Variants in CHD1L observed in about 807,000 individuals in gnomAD.
CHD1L encodes ATP-dependent chromatin remodeler CHD1L.
In CHD1L, 118 loss-of-function variants were observed where a neutral mutation model predicts 115.9. The observed-to-expected ratio is 1.02, with a 90% confidence interval of 0.88 to 1.19. The LOEUF (loss-of-function observed/expected upper bound fraction) is 1.19, where lower values mean the gene tolerates loss of function less well. CHD1L is among the 50% of genes most tolerant of loss of function. The pLI is 0.00. For synonymous variants in CHD1L, 411 were observed against 387.1 expected (o/e 1.06, Z -0.72); for missense variants, 1,179 against 1,065.3 (o/e 1.11, Z -1.49).
At position 147,259,904 on chromosome 1, in the gene CHD1L, A is replaced by G. The variant is rs782381218; in HGVS notation, c.562A>G (p.Lys188Glu). 5 of 1,613,400 alleles carry G rather than the reference A, an allele frequency of 3.1e-6. No individual in the cohort carries two copies. Among genetic ancestry groups the G allele is most frequent in the Admixed American group, 1.7e-5 (1 of 60,004 alleles). Reference protein sequence around the residue: ...RLKNQSSLLHKTLSEFSVVFS... With the variant: ...RLKNQSSLLHETLSEFSVVFS... ...GAAAAACCAAAGCTCCCTGCTGCATAAGACCTTGTCAGAGGTAAACTTACA... is the reference window on the plus strand; with the variant it reads ...GAAAAACCAAAGCTCCCTGCTGCATGAGACCTTGTCAGAGGTAAACTTACA... Residue 188 changes from lysine (K) to glutamate (E), a missense_variant, in exon 6 of 23, where the codon AAG becomes GAG. Coordinates refer to ENST00000369258, the MANE Select transcript of CHD1L (RefSeq NM_004284.6).
intron 1 of CHD1L, 24 bp downstream of exon 1, chr1:147,242,854 C>G (rs1240053204): frequency 7.9e-7 from 1 of 1,267,780 alleles, no homozygotes. Flanking sequence ...GGGCGGACTT[C>G]GGCCAGGCGG....
At chr1:147,294,745 T>C (rs782767854) in intron 22 of CHD1L, among the ~76,000 whole-genome samples, 25 of 152,318 alleles carry the variant, frequency 1.6e-4, no homozygotes, top group Non-Finnish European at 2.9e-4. Flanking sequence ...AGCAGATAAA[T>C]TAAAAGATAC....
chr1:147,248,042 G>C (rs1667168668), intron 1 of CHD1L, among the ~76,000 whole-genome samples: 1 of 152,152 alleles, frequency 6.6e-6, no homozygotes, highest in African/African-American at 2.4e-5. Flanking sequence ...GCCATATAAG[G>C]TCACATACTC....
upstream of CHD1L, among the ~76,000 whole-genome samples, chr1:147,238,761 C>A (rs1021744307): frequency 1.3e-5 from 2 of 152,210 alleles, no homozygotes; most frequent in Non-Finnish European, 2.9e-5. Context: ...GCACCTCATT[C>A]AAACATTCAA....
chr1:147,272,918 AG>A (rs1676823345), intron 12 of CHD1L, among the ~76,000 whole-genome samples: 1 of 149,306 alleles, frequency 6.7e-6, no homozygotes, highest in African/African-American at 2.5e-5. Context: ...AAAAAAAAAA[AG>A]GCCGGCACGG....
the CHD1L span, chr1:147,178,784 T>A: frequency 0.032 from 50,572 of 1,604,050 alleles, 1,168 homozygotes; most frequent in South Asian, 0.09. Context: ...GCATATACAG[T>A]GCAAAAAATG....
At chr1:147,193,761 T>A in the CHD1L span, among the ~76,000 whole-genome samples, 1 of 152,210 alleles carries the variant, frequency 6.6e-6, no homozygotes, top group African/African-American at 2.4e-5. Flanking sequence ...CGTTTCGTTA[T>A]GTACCCAGTA....
In CHD1L at chr1:147,275,350, T is replaced by C; in HGVS notation, c.1271-4T>C. Reference sequence around the variant, plus strand: ...GATTACATTCCTTTTTGCATTGTTTTCAGGTGGAGTTGGCATGAACTTAAC... The same window carrying C: ...GATTACATTCCTTTTTGCATTGTTTCCAGGTGGAGTTGGCATGAACTTAAC... On this transcript the variant is annotated splice_polypyrimidine_tract_variant and splice_region_variant and intron_variant, in intron 12 of 22. Coordinates refer to ENST00000369258, the MANE Select transcript of CHD1L (RefSeq NM_004284.6). The C allele has an allele frequency of 6.2e-7, 1 of 1,609,140 alleles. No individual in the cohort carries two copies. The highest frequency in any genetic ancestry group is 8.5e-7 in the Non-Finnish European group (1 of 1,175,414).
the CHD1L span, among the ~76,000 whole-genome samples, chr1:147,232,893 G>GA: frequency 6.6e-6 from 1 of 152,288 alleles, no homozygotes; most frequent in East Asian, 1.9e-4. Flanking sequence ...CCAAAGTGCC[G>GA]AAAGTGCAGC....
intron 14 of CHD1L, among the ~76,000 whole-genome samples, chr1:147,277,266 G>A (rs782798956): frequency 6.6e-6 from 1 of 152,148 alleles, no homozygotes; most frequent in Admixed American, 6.5e-5. Context: ...TTGCAAGATG[G>A]ACTAGGATTG....
upstream of CHD1L, among the ~76,000 whole-genome samples, chr1:147,239,972 C>G (rs1039690267): frequency 2.6e-5 from 4 of 152,156 alleles, no homozygotes; most frequent in Admixed American, 2.0e-4. Flanking sequence ...GGAGAAGCCA[C>G]CAAAGGATAT....
chr1:147,288,332 A>AAAAAAAG (rs1684126122), intron 19 of CHD1L, among the ~76,000 whole-genome samples: 2 of 1,400 alleles, frequency 1.4e-3, no homozygotes, highest in African/African-American at 2.3e-3. Flanking sequence ...CAATAAAAAA[A>AAAAAAAG]AAAAAAAAAA....
the CHD1L span, among the ~76,000 whole-genome samples, chr1:147,232,539 G>C: frequency 0.58 from 88,530 of 151,848 alleles, 27,843 homozygotes; most frequent in East Asian, 0.87. Context: ...TGGTCTCCCT[G>C]TGATGCCGAG....
chr1:147,266,209 G>C, intron 8 of CHD1L, 122 bp downstream of exon 8: 6 of 932,564 alleles, frequency 6.4e-6, no homozygotes, highest in Non-Finnish European at 9.3e-6. Context: ...TTTGTATTCT[G>C]AATAATTCTG....
chr1:147,268,364 A>C (rs1674794436), intron 9 of CHD1L, among the ~76,000 whole-genome samples: 1 of 152,196 alleles, frequency 6.6e-6, no homozygotes, highest in African/African-American at 2.4e-5. Context: ...AATCTCTGCC[A>C]AATAGTGCTA....
chr1:147,285,785 C>A (rs1459571180), intron 17 of CHD1L, among the ~76,000 whole-genome samples: 2 of 152,150 alleles, frequency 1.3e-5, no homozygotes, highest in African/African-American at 2.4e-5. Context: ...TCAGCCTCAA[C>A]TTCCCATGCT....
At chr1:147,278,270 G>A (rs1407142738) in intron 14 of CHD1L, among the ~76,000 whole-genome samples, 1 of 122,982 alleles carries the variant, frequency 8.1e-6, no homozygotes, top group African/African-American at 3.1e-5. Flanking sequence ...CTGTTGCCAG[G>A]CTGGAGTGCA....
rs1553974841 is a variant in CHD1L, at chr1:147,294,528, G to A, written c.2615+11G>A. ...CATCCCAACTTACATGTATCCTTTT[G>A]TGATCTTCATTGTGTGTTCTCCCAA... On this transcript the variant is annotated intron_variant, in intron 22 of 22. Transcript: ENST00000369258. 6.3e-7 allele frequency: 1 copy of A among 1,598,344 alleles called. No individual in the cohort carries two copies. Among genetic ancestry groups the A allele is most frequent in the East Asian group, 2.3e-5 (1 of 44,378 alleles).
the CHD1L span, among the ~76,000 whole-genome samples, chr1:147,212,027 T>C: frequency 1.2e-4 from 19 of 152,206 alleles, no homozygotes; most frequent in African/African-American, 3.4e-4. Flanking sequence ...TGCTGGCCAA[T>C]TGAAGATCCT....
Sources: gnomAD v4.1 joint callset for allele counts (sites outside exome capture counted in the v4.1 genomes callset) on GRCh38, gnomAD v4.1.1 for gene constraint, MANE v1.5 for transcripts, NCBI Gene and HGNC (gene_info 2026-07-23, HGNC 2026-07-21) for gene names.